MCM5: variants seen among roughly 807,000 people sequenced by gnomAD.
The protein encoded by MCM5 is minichromosome maintenance complex component 5.
MCM5 carries 46 observed loss-of-function variants against 79.9 expected under a neutral mutation model. The ratio of observed to expected loss-of-function variants is 0.58; its 90% CI spans 0.45 to 0.74. MCM5 has a LOEUF of 0.74. MCM5 is among the 30% of genes least tolerant of loss of function. The pLI is 0.00. For missense variants in MCM5, 883 were observed against 1,017.0 expected, an observed-to-expected ratio of 0.87 and a Z score of 1.79; for synonymous variants, 404 against 390.5, an observed-to-expected ratio of 1.03 and a Z score of -0.41.
chr22:35,447,475 T>G, the MCM5 span, among the ~76,000 whole-genome samples: 3 of 7,830 alleles, frequency 3.8e-4, no homozygotes, highest in African/African-American at 1.7e-3. Context: ...ATGTATTTAT[T>G]TATTTATTTA....
the MCM5 span, among the ~76,000 whole-genome samples, chr22:35,453,819 T>TATATATATATATATAG: frequency 3.7e-5 from 3 of 81,548 alleles, no homozygotes; most frequent in East Asian, 3.4e-4. Flanking sequence ...TATATATATA[T>TATATATATATATATAG]AGAGAGAGAG....
intron 9 of MCM5, among the ~76,000 whole-genome samples, chr22:35,415,349 C>T (rs937204617): frequency 1.1e-4 from 16 of 152,126 alleles, no homozygotes; most frequent in African/African-American, 3.4e-4. Context: ...TGAAATCGTG[C>T]GTATTTTGCA....
In MCM5 at chr22:35,424,823, G is replaced by C. The variant is rs1369877301; in HGVS notation, c.*568G>C. On this transcript the variant is annotated 3_prime_UTR_variant, in exon 17 of 17. Transcript: ENST00000216122. Reference sequence around the variant, plus strand: ...GCTGCGAGCCGTGGTGCGGCGGTCAGACTGCCTGGATTCATGGACCCTCTC... The same window carrying C: ...GCTGCGAGCCGTGGTGCGGCGGTCACACTGCCTGGATTCATGGACCCTCTC... 1 of 152,292 alleles carries C rather than the reference G, an allele frequency of 6.6e-6. No homozygotes were observed. Among genetic ancestry groups the C allele is most frequent in the Non-Finnish European group, 1.5e-5 (1 of 68,080 alleles). 9.4% of individuals were successfully genotyped at this position (152,292 alleles called of 1,614,324 possible).
In MCM5 at chr22:35,416,657, T is replaced by C. The variant is rs1323923670; in HGVS notation, c.1433T>C (p.Leu478Pro). Residue 478 changes from leucine (L) to proline (P), a missense_variant, in exon 12 of 17, where the codon CTG (leucine) becomes CCG (proline). Leu to Pro is a moderately conservative substitution (Grantham distance 98, BLOSUM62 -3). This residue lies in a region of MCM5 where 426 missense variants were observed against 482.3 expected (regional missense o/e 0.88). Transcript: ENST00000216122. ...SIAKAGITTT[L>P]NSRCSVLAAA... Reference sequence around the variant, plus strand: ...TGTTAGGCTGGGATCACCACCACCCTGAACTCCCGCTGCTCCGTCCTGGCT... The same window carrying C: ...TGTTAGGCTGGGATCACCACCACCCCGAACTCCCGCTGCTCCGTCCTGGCT... 8.7e-6 allele frequency: 14 copies of C among 1,611,546 alleles called. No individual in the cohort carries two copies. Among genetic ancestry groups the C allele is most frequent in the Non-Finnish European group, 1.1e-5 (13 of 1,178,492 alleles).
At chr22:35,408,182 A>G (rs995131059) in intron 5 of MCM5, among the ~76,000 whole-genome samples, 8 of 152,222 alleles carry the variant, frequency 5.3e-5, no homozygotes, top group African/African-American at 1.9e-4. Context: ...GGAAGGACCC[A>G]GCCTCAAGCA....
At chr22:35,429,224 G>A (rs1193973212), downstream of MCM5, among the ~76,000 whole-genome samples, 2 of 151,962 alleles carry the variant, frequency 1.3e-5, no homozygotes, top group Non-Finnish European at 2.9e-5. Context: ...GACCTCAGGT[G>A]ATCCACCTGC....
At chr22:35,434,192 C>G in the MCM5 span, among the ~76,000 whole-genome samples, 3 of 152,058 alleles carry the variant, frequency 2.0e-5, no homozygotes, top group South Asian at 4.1e-4. Context: ...GCCCTGGCAT[C>G]TTAGCCCAGT....
the MCM5 span, among the ~76,000 whole-genome samples, chr22:35,453,322 TAGAG>T: frequency 1.1e-4 from 16 of 146,016 alleles, no homozygotes; most frequent in African/African-American, 2.4e-4. Context: ...GGGACAGAGA[TAGAG>T]AGACAGAGAC....
the MCM5 span, among the ~76,000 whole-genome samples, chr22:35,443,344 G>A: frequency 7.9e-5 from 12 of 152,170 alleles, no homozygotes; most frequent in Admixed American, 3.9e-4. Flanking sequence ...GCACCACCAC[G>A]CCTGGCTAAT....
rs192620627 is a variant in MCM5 at position 35,409,172 on chromosome 22, C to G, written c.752+609C>G. ...TAGAGATGAGGTTTCACCTTGTTAG[C>G]CAGGATGGTCTCGATCTCCTGACCT... is the stretch of plus-strand genomic sequence containing the variant. On this transcript the variant is annotated intron_variant, in intron 6 of 16. Transcript: ENST00000216122. 3.8e-3 allele frequency among the ~76,000 whole-genome samples: 578 copies of G among 152,302 alleles called. 1 individual carries two copies. The highest frequency in any genetic ancestry group is 5.1e-3 in the Non-Finnish European group (350 of 68,012).
the MCM5 span, among the ~76,000 whole-genome samples, chr22:35,433,765 T>C: frequency 6.6e-6 from 1 of 152,136 alleles, no homozygotes; most frequent in Non-Finnish European, 1.5e-5. Context: ...GCTGGAAATA[T>C]TCTCCCCTAC....
rs150986096 is a variant in MCM5, at chr22:35,406,597, C to G, written c.468C>G (p.Ile156Met). ...SHLVKIPGII[I>M]AASAVRAKAT... The stretch of plus-strand genomic sequence containing the variant: ...TGGTGAAGATCCCTGGCATCATCAT[C>G]GCGGCCTCTGCGGTCCGTGCCAAGG... The change falls in exon 5 of 17, where the codon ATC (isoleucine) becomes ATG (methionine). Residue 156 changes from isoleucine to methionine, a missense_variant. This residue lies in a region of MCM5 where 455 missense variants were observed against 517.5 expected (regional missense o/e 0.88). Coordinates refer to ENST00000216122, the MANE Select transcript of MCM5 (RefSeq NM_006739.4). The G allele has an allele frequency of 6.2e-7, 1 of 1,613,686 alleles. No individual in the cohort carries two copies. The highest frequency in any genetic ancestry group is 1.3e-5 in the African/African-American group (1 of 74,924).
intron 7 of MCM5, 145 bp downstream of exon 7, chr22:35,411,055 G>A: frequency 1.4e-6 from 1 of 732,284 alleles, no homozygotes; most frequent in South Asian, 2.1e-5. Flanking sequence ...TTTATATTAA[G>A]TGATCCCTGG....
In MCM5 at chr22:35,420,006, C is replaced by G. The variant is rs1275179381; in HGVS notation, c.1826C>G (p.Thr609Ser). ...GACCGCCGCTCCAGCATCCCCATCA[C>G]TGTGCGGTGAGCAGGCGGGCAGGGC... Reference protein sequence around the residue: ...DSDRRSSIPITVRQLEAIVRI... With the variant: ...DSDRRSSIPISVRQLEAIVRI... The change falls in exon 14 of 17, where the codon ACT (threonine) becomes AGT (serine). Residue 609 changes from threonine (T) to serine (S), a missense_variant. Transcript: ENST00000216122. 1 of 1,609,536 alleles carries G rather than the reference C, an allele frequency of 6.2e-7. No homozygotes were observed. Among genetic ancestry groups the G allele is most frequent in the African/African-American group, 1.3e-5 (1 of 74,876 alleles).
At position 35,424,622 on chromosome 22, in the gene MCM5, C is replaced by CA. The variant is rs1040658779; in HGVS notation, c.*368dup. 4.4e-5 allele frequency: 8 copies of CA among 183,470 alleles called. No individual in the cohort carries two copies. The allele number at this position is 183,470 out of a possible 1,614,324, so 11.4% of individuals were successfully genotyped here. ...GGGTTTCTGACTTGGATCTGCCACT[C>CA]AGACTTCTGGGTAAGTCACGTGACT... On this transcript the variant is annotated 3_prime_UTR_variant, in exon 17 of 17. Transcript: ENST00000216122.
intron 14 of MCM5, among the ~76,000 whole-genome samples, chr22:35,420,886 G>A (rs2145801380): frequency 6.6e-6 from 1 of 152,284 alleles, no homozygotes; most frequent in East Asian, 1.9e-4. Flanking sequence ...CTAGCACTTT[G>A]GGAGGCTGAG....
At chr22:35,444,184 A>AG in the MCM5 span, among the ~76,000 whole-genome samples, 127 of 129,748 alleles carry the variant, frequency 9.8e-4, no homozygotes, top group Non-Finnish European at 1.6e-3. Flanking sequence ...AGAGAGAGAG[A>AG]AGAGAACAGA....
chr22:35,405,927 C>T (rs5755726), intron 4 of MCM5, among the ~76,000 whole-genome samples: 85,803 of 151,154 alleles, frequency 0.57, 24,682 homozygotes, highest in Middle Eastern at 0.6. Flanking sequence ...AGGAGAATCG[C>T]TTGAACCCGG....
chr22:35,417,864 C>G lies in MCM5; in HGVS notation c.1703+8C>G. On this transcript the variant is annotated splice_region_variant and intron_variant, in intron 13 of 16. Transcript: ENST00000216122. Reference sequence around the variant, plus strand: ...TATTGCCTACTGCCGAGTGTGAGTCCTGGACGCAGGCCCACGGGGGTGAGG... The same window carrying G: ...TATTGCCTACTGCCGAGTGTGAGTCGTGGACGCAGGCCCACGGGGGTGAGG... 4.3e-6 allele frequency: 7 copies of G among 1,609,536 alleles called. No homozygotes were observed. The highest frequency in any genetic ancestry group is 6.0e-6 in the Non-Finnish European group (7 of 1,175,912).
Sources: allele counts gnomAD v4.1 joint callset (sites outside exome capture counted in the v4.1 genomes callset), GRCh38; gene constraint gnomAD v4.1.1; regional missense constraint gnomAD v4.1.1; transcripts MANE v1.5; gene names NCBI Gene and HGNC (gene_info 2026-07-23, HGNC 2026-07-21).